YTHDC1: variants seen among roughly 807,000 people sequenced by gnomAD.
The protein encoded by YTHDC1 is YTH domain-containing protein 1.
A neutral mutation model predicts 107.0 loss-of-function variants in YTHDC1; 12 were observed. That is an observed-to-expected ratio of 0.11 (90% CI 0.07 to 0.18). The LOEUF is 0.18. Among genes scored for constraint, YTHDC1 ranks in the 10% least tolerant of loss-of-function variants. The probability of loss-of-function intolerance (pLI) is 1.00; values close to 1 mark genes in which losing one functional copy is unlikely to be tolerated. For missense variants in YTHDC1, 635 were observed against 898.8 expected (o/e 0.71, Z 3.75); for synonymous variants, 280 against 289.5 (o/e 0.97, Z 0.33).
intron 1 of YTHDC1, among the ~76,000 whole-genome samples, chr4:68,341,114 T>C (rs545410199): frequency 1.8e-4 from 27 of 152,266 alleles, no homozygotes; most frequent in African/African-American, 6.5e-4. Flanking sequence ...ATAGAGCATG[T>C]TTAATCATTC....
chr4:68,341,147 A>G (rs985576930), intron 1 of YTHDC1, among the ~76,000 whole-genome samples: 1 of 152,190 alleles, frequency 6.6e-6, no homozygotes, highest in Non-Finnish European at 1.5e-5. Flanking sequence ...ATAAAGAAAG[A>G]GAAGCTCAAA....
chr4:68,337,138 T>G lies in YTHDC1; in HGVS notation c.772A>C (p.Lys258Gln). 6.2e-7 allele frequency: 1 copy of G among 1,614,016 alleles called. No individual in the cohort carries two copies. Among genetic ancestry groups the G allele is most frequent in the Middle Eastern group, 1.6e-4 (1 of 6,062 alleles). ...GTGTCATAATCATTTCCCTCCTCTT[T>G]CTGGTCTCTCTCATCCTGTTCATAT... Reference protein sequence around the residue: ...EEYEQDERDQKEEGNDYDTRS... With the variant: ...EEYEQDERDQQEEGNDYDTRS... The change falls in exon 4 of 17, where the codon AAA becomes CAA. Residue 258 changes from lysine (K) to glutamine (Q), a missense_variant. This residue lies in a region of YTHDC1 where 294 missense variants were observed against 312.3 expected (regional missense o/e 0.94). Coordinates refer to ENST00000344157, the MANE Select transcript of YTHDC1 (RefSeq NM_001031732.4).
Position 68,312,178 on chromosome 4 carries a change from A to G in YTHDC1, c.*1921T>C, listed in dbSNP as rs1318289085. ...TGATGAGGTGGTTTAGAAACACCAA[A>G]TAAAAACATGGGTAAAATCTTGGCC... On this transcript the variant is annotated 3_prime_UTR_variant, in exon 17 of 17. Coordinates refer to ENST00000344157, the MANE Select transcript of YTHDC1 (RefSeq NM_001031732.4). 6.6e-6 allele frequency: 1 copy of G among 152,202 alleles called. No homozygotes were observed. The highest frequency in any genetic ancestry group is 6.5e-5 in the Admixed American group (1 of 15,282). The allele number at this position is 152,202 out of a possible 1,614,324, so 9.4% of individuals were successfully genotyped here. A position where few individuals can be genotyped will look rare whatever the true frequency, so the allele number is the denominator to read the frequency against.
intron 1 of YTHDC1, among the ~76,000 whole-genome samples, chr4:68,345,445 G>C (rs1202202155): frequency 6.6e-6 from 1 of 152,002 alleles, no homozygotes; most frequent in African/African-American, 2.4e-5. Context: ...AGTGGGACTT[G>C]GCAATGGAGC....
intron 1 of YTHDC1, among the ~76,000 whole-genome samples, chr4:68,349,341 G>A (rs1419332773): frequency 6.6e-6 from 1 of 151,478 alleles, no homozygotes; most frequent in African/African-American, 2.4e-5. Context: ...GGCATTAGGG[G>A]TTTTCAAATT....
Position 68,332,190 on chromosome 4 carries a change from G to C in YTHDC1, c.1035C>G (p.Thr345=). Reference sequence around the variant, plus strand: ...CTTGAAGCACATATTTGAGTTTACTGGTTTGATCTGAAAAAAAAAGAAACC... The same window carrying C: ...CTTGAAGCACATATTTGAGTTTACTCGTTTGATCTGAAAAAAAAAGAAACC... ...SSVRAVRKDQ[T]SKLKYVLQDA... The change falls in exon 7 of 17, where the codon ACC becomes ACG. Residue 345 remains threonine, a synonymous_variant. Coordinates refer to ENST00000344157, the MANE Select transcript of YTHDC1 (RefSeq NM_001031732.4). 6.3e-7 allele frequency: 1 copy of C among 1,595,356 alleles called. No individual in the cohort carries two copies. The highest frequency in any genetic ancestry group is 8.5e-7 in the Non-Finnish European group (1 of 1,171,386).
At chr4:68,319,263 C>T (rs1722182886) in intron 12 of YTHDC1, among the ~76,000 whole-genome samples, 1 of 151,798 alleles carries the variant, frequency 6.6e-6, no homozygotes, top group African/African-American at 2.4e-5. Flanking sequence ...AAGAAAACCA[C>T]AGATAAGCTT....
chr4:68,327,011 C>T (rs866414187), intron 9 of YTHDC1, among the ~76,000 whole-genome samples: 6 of 150,298 alleles, frequency 4.0e-5, no homozygotes, highest in African/African-American at 9.7e-5. Context: ...CTGAGGCGGG[C>T]GGATCACCTG....
intron 1 of YTHDC1, among the ~76,000 whole-genome samples, chr4:68,343,710 A>T (rs1381786017): frequency 6.6e-6 from 1 of 151,122 alleles, no homozygotes; most frequent in African/African-American, 2.4e-5. Context: ...CTAAATTTTT[A>T]TATTTTTAGT....
Position 68,323,256 on chromosome 4 carries a change from T to A in YTHDC1, c.1435-341A>T, listed in dbSNP as rs1722628121. On this transcript the variant is annotated intron_variant, in intron 10 of 16. Coordinates refer to ENST00000344157, the MANE Select transcript of YTHDC1 (RefSeq NM_001031732.4). ...CATTTAATACAATGGAAAAAAAAAA[T>A]TCATGTTAGTGTGTGTACCAACAAC... Among the ~76,000 whole-genome samples, 3 of 152,104 alleles carry A rather than the reference T, an allele frequency of 2.0e-5. No homozygotes were observed. The South Asian group carries it at 6.2e-4, about 32-fold the overall frequency.
intron 9 of YTHDC1, among the ~76,000 whole-genome samples, 194 bp from the exon 10 acceptor site, chr4:68,324,417 G>T (rs530318776): frequency 2.6e-5 from 4 of 152,280 alleles, no homozygotes; most frequent in Non-Finnish European, 5.9e-5. Flanking sequence ...CTAAAAAAGA[G>T]CTTAAGAGCA....
At chr4:68,346,380 C>T (rs1725444665) in intron 1 of YTHDC1, among the ~76,000 whole-genome samples, 1 of 152,092 alleles carries the variant, frequency 6.6e-6, no homozygotes, top group Non-Finnish European at 1.5e-5. Flanking sequence ...GCGACAGAAG[C>T]CGTCTGAAAA....
chr4:68,339,896 A>G (rs2109735179), intron 1 of YTHDC1, among the ~76,000 whole-genome samples: 1 of 152,312 alleles, frequency 6.6e-6, no homozygotes, highest in South Asian at 2.1e-4. Context: ...CCCCACTTCT[A>G]CCTTGTCCAA....
At chr4:68,317,668 T>C (rs1722008774) in intron 15 of YTHDC1, among the ~76,000 whole-genome samples, 1 of 152,346 alleles carries the variant, frequency 6.6e-6, no homozygotes, top group South Asian at 2.1e-4. Flanking sequence ...TAGTGAGTAT[T>C]AGATCAGGCA....
At chr4:68,346,043 CTG>C (rs1300123898) in intron 1 of YTHDC1, among the ~76,000 whole-genome samples, 1 of 147,106 alleles carries the variant, frequency 6.8e-6, no homozygotes, top group African/African-American at 2.5e-5. Context: ...GTGCACGTGA[CTG>C]TGTGCATGTG....
intron 12 of YTHDC1, 123 bp from the exon 13 acceptor site, chr4:68,318,985 A>G: frequency 1.0e-6 from 1 of 981,804 alleles, no homozygotes; most frequent in Non-Finnish European, 1.6e-6. Context: ...AAGTGATGCT[A>G]CTACTGTATT....
Position 68,337,268 on chromosome 4 carries a change from T to G in YTHDC1, c.642A>C (p.Glu214Asp). The G allele has an allele frequency of 6.2e-7, 1 of 1,609,654 alleles. No homozygotes were observed. The highest frequency in any genetic ancestry group is 1.1e-5 in the South Asian group (1 of 90,766). The part of the protein sequence containing the change: ...GVEEDVEEDE[E>D]VEEDAEEDEE... ...CATCTTCTTCTGCATCTTCTTCTAC[T>G]TCTTCATCTTCCTCCACATCTTCTT... The change falls in exon 4 of 17, where the codon GAA (glutamate) becomes GAC (aspartate). Residue 214 changes from glutamate (E) to aspartate (D), a missense_variant. Coordinates refer to ENST00000344157, the MANE Select transcript of YTHDC1 (RefSeq NM_001031732.4).
At chr4:68,343,715 T>G (rs1327898470) in intron 1 of YTHDC1, among the ~76,000 whole-genome samples, 1 of 151,736 alleles carries the variant, frequency 6.6e-6, no homozygotes, top group Admixed American at 6.6e-5. Context: ...TTTTTATATT[T>G]TTAGTAGAGA....
Position 68,314,089 on chromosome 4 carries a change from C to T in YTHDC1, c.*10G>A, listed in dbSNP as rs1465957847. ...TGTATCTTTAAACAATCAGTGCTTCCAAAAGCCCATTATCTTCTATATCGA... is the reference window on the plus strand; with the variant it reads ...TGTATCTTTAAACAATCAGTGCTTCTAAAAGCCCATTATCTTCTATATCGA... On this transcript the variant is annotated 3_prime_UTR_variant, in exon 17 of 17. Transcript: ENST00000344157. 5.6e-6 allele frequency: 9 copies of T among 1,612,324 alleles called. No homozygotes were observed. The highest frequency in any genetic ancestry group is 1.3e-5 in the African/African-American group (1 of 74,776).
Sources: allele counts gnomAD v4.1 joint callset (sites outside exome capture counted in the v4.1 genomes callset), GRCh38; gene constraint gnomAD v4.1.1; regional missense constraint gnomAD v4.1.1; transcripts MANE v1.5; gene names NCBI Gene and HGNC (gene_info 2026-07-23, HGNC 2026-07-21).